The following SPOCK1 variants were observed in gnomAD, a reference collection of about 807,000 sequenced individuals.
The protein encoded by SPOCK1 is SPARC (osteonectin), cwcv and kazal like domains proteoglycan 1.
SPOCK1 carries 23 observed loss-of-function variants against 55.3 expected under a neutral mutation model. The observed-to-expected ratio is 0.42, with a 90% CI of 0.30 to 0.59. The LOEUF (loss-of-function observed/expected upper bound fraction) is 0.59. Ranked by LOEUF, SPOCK1 falls within the 20% of genes least tolerant of loss-of-function variation. The pLI is 0.22. For synonymous variants in SPOCK1, 226 were observed against 221.0 expected (o/e 1.02, Z -0.20); for missense variants, 499 against 552.5 (o/e 0.90, Z 0.97).
intron 2 of SPOCK1, among the ~76,000 whole-genome samples, chr5:137,494,809 TGAAG>T (rs955368051): frequency 6.6e-6 from 1 of 152,198 alleles, no homozygotes; most frequent in African/African-American, 2.4e-5. Flanking sequence ...TTGGAATGAA[TGAAG>T]GTACAAATGA....
At chr5:137,393,102 CAT>C (rs1342390164) in intron 2 of SPOCK1, among the ~76,000 whole-genome samples, 1 of 152,150 alleles carries the variant, frequency 6.6e-6, no homozygotes. Flanking sequence ...TCTATAGACA[CAT>C]GATAGAATTT....
chr5:137,479,046 T>C (rs1043901355), intron 2 of SPOCK1, among the ~76,000 whole-genome samples: 6 of 151,366 alleles, frequency 4.0e-5, no homozygotes, highest in East Asian at 1.9e-4. Flanking sequence ...TCATGCAAGG[T>C]TCACCAGGTT....
At chr5:137,401,983 C>T (rs1751993320) in intron 2 of SPOCK1, among the ~76,000 whole-genome samples, 1 of 152,080 alleles carries the variant, frequency 6.6e-6, no homozygotes, top group South Asian at 2.1e-4. Context: ...GGATTTTAGT[C>T]TCATGTTTCT....
chr5:137,271,353 T>A (rs66501470), intron 2 of SPOCK1, among the ~76,000 whole-genome samples: 2 of 149,276 alleles, frequency 1.3e-5, no homozygotes, highest in African/African-American at 4.9e-5. Flanking sequence ...AAAGAAAATA[T>A]GTTTTACATA....
At chr5:137,290,588 T>C (rs1757354701) in intron 2 of SPOCK1, among the ~76,000 whole-genome samples, 1 of 152,242 alleles carries the variant, frequency 6.6e-6, no homozygotes, top group Non-Finnish European at 1.5e-5. Flanking sequence ...ATTCATGTAC[T>C]TTGCACACAT....
intron 2 of SPOCK1, among the ~76,000 whole-genome samples, chr5:137,421,541 T>C (rs1453849296): frequency 2.0e-5 from 3 of 152,166 alleles, no homozygotes; most frequent in East Asian, 1.9e-4. Context: ...GATCCCTTTA[T>C]GATTATGTAA....
chr5:137,174,939 G>A (rs1399589797), intron 3 of SPOCK1, among the ~76,000 whole-genome samples: 4 of 152,134 alleles, frequency 2.6e-5, no homozygotes, highest in Non-Finnish European at 5.9e-5. Flanking sequence ...AGAGGCCAAG[G>A]CCACCACCAC....
chr5:137,143,375 T>C (rs1233946917), intron 3 of SPOCK1, among the ~76,000 whole-genome samples: 2 of 152,184 alleles, frequency 1.3e-5, no homozygotes, highest in African/African-American at 2.4e-5. Context: ...CAACGGACAG[T>C]GCAATCACAA....
chr5:137,472,573 T>G (rs758910138), intron 2 of SPOCK1, among the ~76,000 whole-genome samples: 1 of 152,218 alleles, frequency 6.6e-6, no homozygotes, highest in African/African-American at 2.4e-5. Flanking sequence ...ACATAACTAA[T>G]GTATATGCCC....
intron 3 of SPOCK1, among the ~76,000 whole-genome samples, chr5:137,259,521 G>A (rs1756705019): frequency 1.1e-4 from 16 of 152,084 alleles, no homozygotes; most frequent in Admixed American, 1.0e-3. Flanking sequence ...GATAGCATTA[G>A]GAGAAACACC....
rs150757664 is a variant in SPOCK1 at position 137,492,817 on chromosome 5, G to T, written c.186+5556C>A. Among the ~76,000 whole-genome samples, 172 of 152,346 alleles carry T rather than the reference G, an allele frequency of 1.1e-3. 2 individuals are homozygous for T. The East Asian group carries it at 0.032, about 28-fold the overall frequency. On this transcript the variant is annotated intron_variant, in intron 2 of 10. Coordinates refer to ENST00000394945, the MANE Select transcript of SPOCK1 (RefSeq NM_004598.4). ...ACCAATGGAAGGTGGAGACAGGCAA[G>T]TAGCCTTGCTGCAGCCCCTTCCCTT... is the stretch of plus-strand genomic sequence containing the variant.
chr5:136,998,817 T>C (rs1257370676), intron 6 of SPOCK1, among the ~76,000 whole-genome samples: 3 of 152,182 alleles, frequency 2.0e-5, no homozygotes. Flanking sequence ...TATAGTGCCA[T>C]TGCACATTAC....
In SPOCK1 at chr5:137,372,805, C is replaced by CA. The variant is rs903513888; in HGVS notation, c.187-105751dup. Reference sequence around the variant, plus strand: ...AGATAAAGAAAGGACAAGCACCAGGCAAAAAAAGCCTGGAGGTGAGCGGCC... The same window carrying CA: ...AGATAAAGAAAGGACAAGCACCAGGCAAAAAAAAGCCTGGAGGTGAGCGGCC... On this transcript the variant is annotated intron_variant, in intron 2 of 10. Coordinates refer to ENST00000394945, the MANE Select transcript of SPOCK1 (RefSeq NM_004598.4). 3.9e-5 allele frequency among the ~76,000 whole-genome samples: 6 copies of CA among 152,042 alleles called. 1 individual carries two copies. The highest frequency in any genetic ancestry group is 2.6e-4 in the Admixed American group (4 of 15,270).
intron 3 of SPOCK1, among the ~76,000 whole-genome samples, chr5:137,242,083 T>C (rs1416096399): frequency 6.6e-6 from 1 of 152,176 alleles, no homozygotes; most frequent in Non-Finnish European, 1.5e-5. Context: ...TAAAAAACCA[T>C]ACAGGCCAGC....
chr5:137,462,126 C>T (rs990542260), intron 2 of SPOCK1, among the ~76,000 whole-genome samples: 3 of 152,210 alleles, frequency 2.0e-5, no homozygotes, highest in Admixed American at 2.0e-4. Context: ...GTCCTGATGG[C>T]CCCCTGTGCT....
chr5:137,349,719 G>A (rs770020165), intron 2 of SPOCK1, among the ~76,000 whole-genome samples: 2 of 152,080 alleles, frequency 1.3e-5, no homozygotes, highest in African/African-American at 4.8e-5. Flanking sequence ...GCATCACCTT[G>A]ATCTCTGCCT....
At chr5:137,332,524 C>T (rs1246227881) in intron 2 of SPOCK1, among the ~76,000 whole-genome samples, 1 of 152,124 alleles carries the variant, frequency 6.6e-6, no homozygotes, top group East Asian at 1.9e-4. Context: ...CTCAACAGGC[C>T]CTGTATGATT....
At chr5:137,376,813 T>A (rs760478546) in intron 2 of SPOCK1, among the ~76,000 whole-genome samples, 2 of 152,200 alleles carry the variant, frequency 1.3e-5, no homozygotes, top group Non-Finnish European at 1.5e-5. Context: ...AAAAAAAGAT[T>A]AGAAGGTCAA....
chr5:137,156,377 G>T (rs756933132), intron 3 of SPOCK1, among the ~76,000 whole-genome samples: 1 of 152,076 alleles, frequency 6.6e-6, no homozygotes. Flanking sequence ...CAGAGTTTGC[G>T]CATTCTTATC....
Sources: allele counts gnomAD v4.1 joint callset (sites outside exome capture counted in the v4.1 genomes callset), GRCh38; gene constraint gnomAD v4.1.1; transcripts MANE v1.5; gene names NCBI Gene and HGNC (gene_info 2026-07-23, HGNC 2026-07-21).